Variants in SH3BP2 observed in about 807,000 individuals in gnomAD.
The protein encoded by SH3BP2 is SH3 domain-binding protein 2.
In SH3BP2, 38 loss-of-function variants were observed where a neutral mutation model predicts 56.2. The observed-to-expected ratio is 0.68, with a 90% CI of 0.52 to 0.89. The LOEUF is 0.89. Ranked by LOEUF, SH3BP2 falls within the 40% of genes least tolerant of loss-of-function variation. SH3BP2 has a pLI of 0.00. For synonymous variants in SH3BP2, 346 were observed against 316.7 expected, an observed-to-expected ratio of 1.09 and a Z score of -0.98; for missense variants, 748 against 762.6, an observed-to-expected ratio of 0.98 and a Z score of 0.23.
rs1215993772 is a variant in SH3BP2 at position 2,829,737 on chromosome 4, G to A, written c.831G>A (p.Met277Ile). 1.2e-6 allele frequency: 2 copies of A among 1,612,848 alleles called. No individual in the cohort carries two copies. The highest frequency in any genetic ancestry group is 1.7e-6 in the Non-Finnish European group (2 of 1,179,846). ...CPRVPATPRR[M>I]SDPPLSTMPT... ...GGGTACCTGCTACCCCCCGAAGGAT[G>A]AGCGATCCCCCTCTGAGCACCATGC... The change falls in exon 8 of 13, where the codon ATG becomes ATA. Residue 277 changes from methionine to isoleucine, a missense_variant. This residue lies in a region of SH3BP2 where 635 missense variants were observed against 615.0 expected (regional missense o/e 1.03). Transcript: ENST00000503393. The surrounding 1 kb of genome is among the most constrained non-coding windows in gnomAD (Gnocchi z 4.9).
chr4:2,818,175 C>G (rs1724088726), intron 1 of SH3BP2: 4 of 983,694 alleles, frequency 4.1e-6, no homozygotes, highest in Non-Finnish European at 4.8e-6. Context: ...CGCCCAGTCC[C>G]CCGCCGAGAG....
chr4:2,801,458 C>G (rs1294213240), intron 1 of SH3BP2, among the ~76,000 whole-genome samples: 2 of 152,238 alleles, frequency 1.3e-5, no homozygotes, highest in African/African-American at 4.8e-5. Flanking sequence ...CTGTCAGCAC[C>G]TCTTCCTGTT....
chr4:2,811,023 G>C lies in SH3BP2; in HGVS notation c.-4-9591G>C, dbSNP rs536720992. Among the ~76,000 whole-genome samples, 407 of 152,328 alleles carry C rather than the reference G, an allele frequency of 2.7e-3. 2 individuals carry two copies. The highest frequency in any genetic ancestry group is 9.3e-3 in the African/African-American group (386 of 41,570). ...GGCTGGCACAGGCTGGGGACGCCAG[G>C]GTGTCTGTGCCCATGCTAAGGAGGC... On this transcript the variant is annotated intron_variant, in intron 1 of 12. Coordinates refer to ENST00000503393, the MANE Select transcript of SH3BP2 (RefSeq NM_001122681.2).
chr4:2,823,202 T>C (rs1309628573), intron 3 of SH3BP2, among the ~76,000 whole-genome samples, 165 bp downstream of exon 3: 2 of 152,132 alleles, frequency 1.3e-5, no homozygotes, highest in Non-Finnish European at 2.9e-5. Flanking sequence ...CCACAGTGCC[T>C]CGCCCTCTCC....
Position 2,814,515 on chromosome 4 carries a change from C to T in SH3BP2, c.-4-6099C>T, listed in dbSNP as rs541017045. 5.6e-4 allele frequency among the ~76,000 whole-genome samples: 86 copies of T among 152,294 alleles called. No homozygotes were observed. In the East Asian group the frequency reaches 6.8e-3, roughly 12 times the overall value. On this transcript the variant is annotated intron_variant, in intron 1 of 12. Transcript: ENST00000503393. ...GTGCATGTGCACACACACACACACACGCACACACGCACAAGTGTACAGGCT... is the reference window on the plus strand; with the variant it reads ...GTGCATGTGCACACACACACACACATGCACACACGCACAAGTGTACAGGCT...
chr4:2,805,358 G>C (rs1166346775), intron 1 of SH3BP2, among the ~76,000 whole-genome samples: 1 of 152,204 alleles, frequency 6.6e-6, no homozygotes. Flanking sequence ...GGTGGGTGCA[G>C]AGCCCCTGGA....
chr4:2,830,151 A>G lies in SH3BP2; in HGVS notation c.1241+4A>G. The G allele has an allele frequency of 6.3e-7, 1 of 1,598,520 alleles. No homozygotes were observed. Among genetic ancestry groups the G allele is most frequent in the Non-Finnish European group, 8.5e-7 (1 of 1,179,094 alleles). ...AGCCGCAGCTCCCGCACCTCCAGTG[A>G]GTTTGTGTGGCGGCTGCAAGCCCTG... On this transcript the variant is annotated splice_donor_region_variant and intron_variant, in intron 8 of 12. Coordinates refer to ENST00000503393, the MANE Select transcript of SH3BP2 (RefSeq NM_001122681.2).
rs1442877754 is a variant in SH3BP2, at chr4:2,827,678, G to C, written c.586+4G>C. Reference sequence around the variant, plus strand: ...CCGGAGCCCGGAAGGCTTGAGGGTAGGTGGGGCGGGTGGGCCCGGGGAGCT... The same window carrying C: ...CCGGAGCCCGGAAGGCTTGAGGGTACGTGGGGCGGGTGGGCCCGGGGAGCT... On this transcript the variant is annotated splice_donor_region_variant and intron_variant, in intron 7 of 12. Transcript: ENST00000503393. 8 of 1,570,624 alleles carry C rather than the reference G, an allele frequency of 5.1e-6. No homozygotes were observed. Among genetic ancestry groups the C allele is most frequent in the Non-Finnish European group, 6.9e-6 (8 of 1,155,068 alleles).
At chr4:2,812,445 A>G in intron 1 of SH3BP2, 2 of 1,550,208 alleles carry the variant, frequency 1.3e-6, no homozygotes, top group Non-Finnish European at 1.7e-6. Context: ...GGTCACGAGG[A>G]CGGAGGGCCA....
chr4:2,833,391 G>A (rs922342992), intron 12 of SH3BP2: 12 of 570,904 alleles, frequency 2.1e-5, no homozygotes, highest in African/African-American at 3.7e-5. Context: ...CTCCCACCTC[G>A]GCCTCCCACA....
At chr4:2,795,685 G>C (rs1356093443) in intron 1 of SH3BP2, among the ~76,000 whole-genome samples, 2 of 152,198 alleles carry the variant, frequency 1.3e-5, no homozygotes, top group Non-Finnish European at 2.9e-5. Flanking sequence ...TCTGAGCCGG[G>C]CGGGCAGCCA....
At chr4:2,799,717 G>A (rs1408926583) in intron 1 of SH3BP2, among the ~76,000 whole-genome samples, 3 of 152,204 alleles carry the variant, frequency 2.0e-5, no homozygotes, top group African/African-American at 4.8e-5. Context: ...CCACCCTTGC[G>A]GCAGGCAGGG....
Position 2,830,073 on chromosome 4 carries a change from G to C in SH3BP2, c.1167G>C (p.Lys389Asn), listed in dbSNP as rs752771498. The C allele has an allele frequency of 6.2e-7, 1 of 1,610,568 alleles. No individual in the cohort carries two copies. The highest frequency in any genetic ancestry group is 8.5e-7 in the Non-Finnish European group (1 of 1,179,492). The change falls in exon 8 of 13, where the codon AAG (lysine) becomes AAC (asparagine). Residue 389 changes from lysine (K) to asparagine (N), a missense_variant. Transcript: ENST00000503393. The part of the protein sequence containing the change: ...PPVAPRPPAL[K>N]LPVPEAMARP... ...TGGCTCCCCGGCCTCCTGCGCTGAA[G>C]CTGCCAGTGCCTGAGGCCATGGCGC...
chr4:2,811,565 G>A (rs1723751393), intron 1 of SH3BP2, among the ~76,000 whole-genome samples: 1 of 152,246 alleles, frequency 6.6e-6, no homozygotes, highest in Non-Finnish European at 1.5e-5. Flanking sequence ...GGTGGGGGCA[G>A]AGCAGCCCTG....
At chr4:2,818,732 G>C (rs1460757338) in intron 1 of SH3BP2, 1 of 990,498 alleles carries the variant, frequency 1.0e-6, no homozygotes, top group African/African-American at 1.7e-5. Context: ...CCTGTGGTTG[G>C]GGGTCCTGCG....
In SH3BP2 at chr4:2,834,136, T is replaced by TC. The variant is rs1375553155; in HGVS notation, c.*308dup. The TC allele has an allele frequency of 2.7e-6, 1 of 369,346 alleles. No individual in the cohort carries two copies. The highest frequency in any genetic ancestry group is 4.1e-5 in the Admixed American group (1 of 24,558). The allele number at this position is 369,346 out of a possible 1,614,324, so 22.9% of individuals were successfully genotyped here. A position where few individuals can be genotyped will look rare whatever the true frequency, so the allele number is the denominator to read the frequency against. On this transcript the variant is annotated 3_prime_UTR_variant, in exon 13 of 13. Coordinates refer to ENST00000503393, the MANE Select transcript of SH3BP2 (RefSeq NM_001122681.2). ...TGGGCTCCAAGGACAGGAACACTGG[T>TC]CCCCCCATCACACTCACCCCTAAGT...
chr4:2,805,332 G>A (rs1356788452), intron 1 of SH3BP2, among the ~76,000 whole-genome samples: 1 of 152,210 alleles, frequency 6.6e-6, no homozygotes, highest in Non-Finnish European at 1.5e-5. Context: ...TCACCCTGGA[G>A]GCCCAGGCTG....
At position 2,833,701 on chromosome 4, in the gene SH3BP2, C is replaced by G. The variant is rs1725126851; in HGVS notation, c.1553C>G (p.Ser518Cys). The change falls in exon 13 of 13, where the codon TCT (serine) becomes TGT (cysteine). Residue 518 changes from serine (S) to cysteine (C), a missense_variant. By Grantham distance (112) the Ser-to-Cys change is moderately radical. Transcript: ENST00000503393. Reference sequence around the variant, plus strand: ...CCCCCTTCTCTTCCCCCACAGGACTCTAAGTTCTACCTGGAGGGCGAGGTC... The same window carrying G: ...CCCCCTTCTCTTCCCCCACAGGACTGTAAGTTCTACCTGGAGGGCGAGGTC... ...VRNYRIFEKD[S>C]KFYLEGEVLF... 4 of 1,610,568 alleles carry G rather than the reference C, an allele frequency of 2.5e-6. No individual in the cohort carries two copies. Among genetic ancestry groups the G allele is most frequent in the Non-Finnish European group, 3.4e-6 (4 of 1,178,526 alleles).
intron 3 of SH3BP2, among the ~76,000 whole-genome samples, chr4:2,823,958 C>T (rs147526143): frequency 9.9e-4 from 151 of 152,348 alleles, no homozygotes; most frequent in African/African-American, 3.3e-3. Context: ...ACAGACACAG[C>T]GCCTTCCGGC....
Sources: allele counts gnomAD v4.1 joint callset (sites outside exome capture counted in the v4.1 genomes callset), GRCh38; gene constraint gnomAD v4.1.1; regional missense constraint gnomAD v4.1.1; non-coding constraint Gnocchi (gnomAD v3.1); transcripts MANE v1.5; gene names NCBI Gene and HGNC (gene_info 2026-07-23, HGNC 2026-07-21).